The following HKDC1 variants were observed in gnomAD, a reference collection of about 807,000 sequenced individuals.
The protein encoded by HKDC1 is hexokinase HKDC1.
HKDC1 carries 66 observed loss-of-function variants against 96.6 expected under a neutral mutation model. The ratio of observed to expected loss-of-function variants is 0.68; its 90% CI spans 0.56 to 0.84. The LOEUF is 0.84. Ranked by LOEUF, HKDC1 falls within the 40% of genes least tolerant of loss-of-function variation. HKDC1 has a pLI of 0.00. For missense variants in HKDC1, 1,211 were observed against 1,208.1 expected (o/e 1.00, Z -0.04); for synonymous variants, 466 against 473.1 (o/e 0.98, Z 0.20).
chr10:69,227,089 T>C, intron 1 of HKDC1, 118 bp from the exon 2 acceptor site: 4 of 1,156,418 alleles, frequency 3.5e-6, no homozygotes, highest in Non-Finnish European at 5.0e-6. Context: ...GGAATCCACA[T>C]CTCAATGCTG....
intron 4 of HKDC1, among the ~76,000 whole-genome samples, chr10:69,233,594 G>A (rs1843309515): frequency 6.6e-6 from 1 of 152,078 alleles, no homozygotes; most frequent in Non-Finnish European, 1.5e-5. Flanking sequence ...CTCAGGAGGA[G>A]GATTAGAATG....
At chr10:69,258,240 C>A (rs1432798633) in intron 14 of HKDC1, among the ~76,000 whole-genome samples, 2 of 152,120 alleles carry the variant, frequency 1.3e-5, no homozygotes, top group Non-Finnish European at 2.9e-5. Flanking sequence ...TGGGCTAGAT[C>A]TAGGAGAGCA....
chr10:69,238,020 A>G (rs570445047), intron 4 of HKDC1, among the ~76,000 whole-genome samples: 1 of 152,228 alleles, frequency 6.6e-6, no homozygotes, highest in Non-Finnish European at 1.5e-5. Flanking sequence ...AGTCTGAAAC[A>G]TTCTATGATT....
At chr10:69,244,901 C>A (rs1167759886) in intron 7 of HKDC1, among the ~76,000 whole-genome samples, 3 of 152,018 alleles carry the variant, frequency 2.0e-5, no homozygotes, top group Non-Finnish European at 4.4e-5. Context: ...TTCTTCAATG[C>A]TCAAAGACTT....
At chr10:69,249,552 G>A (rs1381212765) in intron 10 of HKDC1, among the ~76,000 whole-genome samples, 2 of 152,168 alleles carry the variant, frequency 1.3e-5, no homozygotes, top group African/African-American at 2.4e-5. Context: ...CTGGAGTGCA[G>A]TAGCGTGATC....
intron 12 of HKDC1, among the ~76,000 whole-genome samples, chr10:69,253,634 G>A (rs1285635637): frequency 2.0e-5 from 3 of 152,176 alleles, no homozygotes; most frequent in African/African-American, 4.8e-5. Context: ...AATGCATAGC[G>A]TGGGTCTAGC....
At chr10:69,244,950 G>A (rs1356737848) in intron 7 of HKDC1, among the ~76,000 whole-genome samples, 1 of 151,696 alleles carries the variant, frequency 6.6e-6, no homozygotes, top group Non-Finnish European at 1.5e-5. Context: ...CGCCAAGGCT[G>A]GAGTGCAGTG....
In HKDC1 at chr10:69,248,706, C is replaced by T; in HGVS notation, c.1548C>T (p.Val516=). 1 of 1,610,590 alleles carries T rather than the reference C, an allele frequency of 6.2e-7. No homozygotes were observed. The highest frequency in any genetic ancestry group is 8.5e-7 in the Non-Finnish European group (1 of 1,177,714). Residue 516 remains valine, a synonymous_variant, in exon 10 of 18, where the codon GTC becomes GTT. Coordinates refer to ENST00000354624, the MANE Select transcript of HKDC1 (RefSeq NM_025130.4). ...CGGTCAGGATGCTGCCCACCTACGT[C>T]TGCGGGCTGCCGGACGGCACAGGTG... ...LATVRMLPTY[V]CGLPDGTEKG... is the part of the protein sequence containing the mutation.
chr10:69,221,607 C>T (rs966300549), intron 1 of HKDC1, among the ~76,000 whole-genome samples: 23 of 152,222 alleles, frequency 1.5e-4, no homozygotes, highest in Middle Eastern at 3.4e-3. Context: ...TCTGCTGTGC[C>T]ATGACTCCCT....
Position 69,246,118 on chromosome 10 carries a change from T to A in HKDC1, c.915T>A (p.Leu305=). The A allele has an allele frequency of 6.2e-7, 1 of 1,614,236 alleles. No homozygotes were observed. The highest frequency in any genetic ancestry group is 1.3e-5 in the African/African-American group (1 of 75,060). The change falls in exon 8 of 18, where the codon CTT becomes CTA. Residue 305 remains leucine (L), a synonymous_variant. Coordinates refer to ENST00000354624, the MANE Select transcript of HKDC1 (RefSeq NM_025130.4). ...TCAGTGGCCTGTACCTGGGGGAGCT[T>A]GTCAGGCTTATCTTGCTGAAGATGG... is the stretch of plus-strand genomic sequence containing the variant. The part of the protein sequence containing the change: ...KMISGLYLGE[L]VRLILLKMAK...
intron 6 of HKDC1, among the ~76,000 whole-genome samples, chr10:69,242,404 G>C (rs769889181): frequency 1.8e-5 from 2 of 109,468 alleles, no homozygotes; most frequent in African/African-American, 3.5e-5. Flanking sequence ...TCATACCAGA[G>C]TATCAGCCAA....
intron 16 of HKDC1, 72 bp downstream of exon 16, chr10:69,261,366 T>A (rs1402983538): frequency 1.3e-6 from 2 of 1,485,566 alleles, no homozygotes; most frequent in Non-Finnish European, 1.9e-6. Flanking sequence ...TTGGGCCAAT[T>A]TGAGGTTTAA....
intron 16 of HKDC1, 170 bp from the exon 17 acceptor site, chr10:69,265,415 C>T (rs1843879534): frequency 3.2e-6 from 2 of 633,680 alleles, no homozygotes; most frequent in Non-Finnish European, 5.5e-6. Context: ...GGGTGGTGGA[C>T]CTTCTTGAGT....
chr10:69,236,551 A>G (rs527502495), intron 4 of HKDC1, among the ~76,000 whole-genome samples: 4 of 151,490 alleles, frequency 2.6e-5, no homozygotes, highest in Non-Finnish European at 4.4e-5. Flanking sequence ...GAGGCCGAGG[A>G]GGGTGGATCA....
intron 1 of HKDC1, among the ~76,000 whole-genome samples, chr10:69,221,868 G>A (rs1843071178): frequency 6.6e-6 from 1 of 151,812 alleles, no homozygotes; most frequent in East Asian, 1.9e-4. Flanking sequence ...GGGAGACTGC[G>A]CTACTGCACT....
At chr10:69,262,210 T>C in intron 16 of HKDC1, 1 of 293,354 alleles carries the variant, frequency 3.4e-6, no homozygotes, top group Non-Finnish European at 6.9e-6. Context: ...TTTGAATGGC[T>C]GCATATTATA....
intron 7 of HKDC1, among the ~76,000 whole-genome samples, chr10:69,244,421 A>G (rs1325063448): frequency 6.6e-6 from 1 of 152,204 alleles, no homozygotes; most frequent in Non-Finnish European, 1.5e-5. Flanking sequence ...TACTCCAGGC[A>G]CATGCCTGTG....
At chr10:69,221,652 C>T (rs185395582) in intron 1 of HKDC1, among the ~76,000 whole-genome samples, 100 of 152,118 alleles carry the variant, frequency 6.6e-4, no homozygotes, top group African/African-American at 2.3e-3. Flanking sequence ...GGCCAGGCAC[C>T]GTGGCTCACG....
intron 2 of HKDC1, among the ~76,000 whole-genome samples, chr10:69,228,631 C>G (rs548732113): frequency 1.3e-5 from 2 of 152,044 alleles, no homozygotes; most frequent in African/African-American, 4.8e-5. Flanking sequence ...TTTGGGAGGC[C>G]GAGGGGGGCA....
Sources: gnomAD v4.1 joint callset for allele counts (sites outside exome capture counted in the v4.1 genomes callset) on GRCh38, gnomAD v4.1.1 for gene constraint, MANE v1.5 for transcripts, NCBI Gene and HGNC (gene_info 2026-07-23, HGNC 2026-07-21) for gene names.